Variants in KIAA1328 observed in about 807,000 individuals in gnomAD.
KIAA1328 encodes KIAA1328.
Under a neutral mutation model 68.1 loss-of-function variants are expected in KIAA1328, and 52 were observed. The observed-to-expected ratio is 0.76, with a 90% confidence interval of 0.61 to 0.96. The LOEUF (loss-of-function observed/expected upper bound fraction) is 0.96, where lower values mean the gene tolerates loss of function less well. Among genes scored for constraint, KIAA1328 ranks in the 40% least tolerant of loss-of-function variants. The probability of loss-of-function intolerance (pLI) is 0.00; values close to 1 mark genes in which losing one functional copy is unlikely to be tolerated. For synonymous variants in KIAA1328, 232 were observed against 239.4 expected (o/e 0.97, Z 0.28); for missense variants, 641 against 677.6 (o/e 0.95, Z 0.60).
intron 7 of KIAA1328, among the ~76,000 whole-genome samples, chr18:37,117,796 A>G (rs1156853173): frequency 1.3e-5 from 2 of 151,996 alleles, no homozygotes; most frequent in African/African-American, 4.8e-5. Flanking sequence ...TAAAATGCTC[A>G]GATATAAAGT....
downstream of KIAA1328, among the ~76,000 whole-genome samples, chr18:37,228,604 A>G (rs576819007): frequency 1.0e-3 from 154 of 152,240 alleles, no homozygotes; most frequent in African/African-American, 3.5e-3. Context: ...GGATCACCTG[A>G]GGTCAGGAGT....
At chr18:37,148,667 T>C (rs1024061195) in intron 7 of KIAA1328, among the ~76,000 whole-genome samples, 1 of 152,226 alleles carries the variant, frequency 6.6e-6, no homozygotes, top group Non-Finnish European at 1.5e-5. Context: ...CCATTCTGAC[T>C]GGCATGAGAT....
chr18:36,902,632 AG>A (rs1213951457), intron 5 of KIAA1328, among the ~76,000 whole-genome samples: 1 of 152,106 alleles, frequency 6.6e-6, no homozygotes, highest in African/African-American at 2.4e-5. Context: ...AGACAAAGTC[AG>A]GTATTATCCA....
chr18:37,122,710 T>G (rs2058301999), intron 7 of KIAA1328, among the ~76,000 whole-genome samples: 1 of 151,970 alleles, frequency 6.6e-6, no homozygotes, highest in South Asian at 2.1e-4. Context: ...ATTCTCAATT[T>G]TCTCTGTGAA....
intron 7 of KIAA1328, among the ~76,000 whole-genome samples, chr18:37,116,983 A>T (rs925180890): frequency 2.0e-5 from 3 of 152,238 alleles, no homozygotes; most frequent in Non-Finnish European, 2.9e-5. Context: ...AACAGTTAGA[A>T]TGGTGATCAT....
At chr18:37,220,451 A>G (rs770402052) in intron 9 of KIAA1328, among the ~76,000 whole-genome samples, 2 of 152,200 alleles carry the variant, frequency 1.3e-5, no homozygotes, top group Non-Finnish European at 2.9e-5. Flanking sequence ...AAATGCAACA[A>G]TCTTTAATTT....
intron 5 of KIAA1328, among the ~76,000 whole-genome samples, chr18:36,949,597 T>TCCGCCC (rs796963668): frequency 1.7e-5 from 1 of 57,360 alleles, no homozygotes; most frequent in African/African-American, 6.6e-5. Flanking sequence ...TCTACCCAGC[T>TCCGCCC]CCCCCCCCCC....
intron 7 of KIAA1328, among the ~76,000 whole-genome samples, chr18:37,140,242 C>A (rs1438124008): frequency 6.6e-6 from 1 of 152,012 alleles, no homozygotes; most frequent in Non-Finnish European, 1.5e-5. Flanking sequence ...AGAAGGCATC[C>A]TATCAAGTAA....
intron 6 of KIAA1328, among the ~76,000 whole-genome samples, chr18:37,034,759 G>A (rs988211988): frequency 1.3e-5 from 2 of 152,096 alleles, no homozygotes; most frequent in South Asian, 2.1e-4. Context: ...TTGTATTCTT[G>A]TCATAAATAC....
chr18:37,048,785 CTG>C (rs1361478408), intron 6 of KIAA1328, among the ~76,000 whole-genome samples: 1 of 152,070 alleles, frequency 6.6e-6, no homozygotes, highest in Non-Finnish European at 1.5e-5. Context: ...AAATTATAAA[CTG>C]TGAGTGGCTG....
At chr18:36,838,666 T>C (rs912270290) in intron 3 of KIAA1328, among the ~76,000 whole-genome samples, 11 of 152,206 alleles carry the variant, frequency 7.2e-5, no homozygotes, top group Non-Finnish European at 1.3e-4. Context: ...GTGTATGTGT[T>C]TAAATATGGC....
intron 6 of KIAA1328, among the ~76,000 whole-genome samples, chr18:37,049,465 C>T (rs1415304601): frequency 6.6e-6 from 1 of 152,080 alleles, no homozygotes; most frequent in African/African-American, 2.4e-5. Context: ...GTAAACCAAA[C>T]TAGCTAATAA....
At position 37,173,025 on chromosome 18, in the gene KIAA1328, A is replaced by T; in HGVS notation, c.1467A>T (p.Gly489=). Residue 489 remains glycine (G), a synonymous_variant, in exon 9 of 10, where the codon GGA becomes GGT. Transcript: ENST00000280020. ...KDASTSPMPT[G]SLKDFVTTAS... ...CGTCTACATCTCCTATGCCAACAGG[A>T]AGCCTAAAGGATTTTGTCACCACAG... The T allele has an allele frequency of 6.2e-7, 1 of 1,613,792 alleles. No individual in the cohort carries two copies. The highest frequency in any genetic ancestry group is 8.5e-7 in the Non-Finnish European group (1 of 1,179,746).
chr18:36,887,160 T>A (rs1239698247), intron 5 of KIAA1328, among the ~76,000 whole-genome samples: 1 of 151,894 alleles, frequency 6.6e-6, no homozygotes, highest in Admixed American at 6.6e-5. Context: ...CCTTGGTTGT[T>A]GACCCTCAAG....
chr18:37,176,505 T>C (rs908941217), intron 9 of KIAA1328, among the ~76,000 whole-genome samples: 1 of 152,214 alleles, frequency 6.6e-6, no homozygotes, highest in African/African-American at 2.4e-5. Flanking sequence ...CTCTCCACAC[T>C]GATCACACAC....
intron 6 of KIAA1328, among the ~76,000 whole-genome samples, chr18:37,039,768 A>T (rs962668998): frequency 2.0e-5 from 3 of 152,114 alleles, no homozygotes; most frequent in African/African-American, 7.2e-5. Flanking sequence ...TCATTATATT[A>T]TCTATTAATT....
chr18:36,883,333 A>G (rs1168874675), intron 4 of KIAA1328, among the ~76,000 whole-genome samples: 1 of 152,226 alleles, frequency 6.6e-6, no homozygotes, highest in African/African-American at 2.4e-5. Context: ...CAGTCAGTCA[A>G]AACACAGGCA....
At chr18:37,189,353 C>G (rs543393353) in intron 9 of KIAA1328, among the ~76,000 whole-genome samples, 22 of 152,178 alleles carry the variant, frequency 1.4e-4, no homozygotes, top group Middle Eastern at 3.4e-3. Context: ...GAAAAAAAGT[C>G]AGACCTTATT....
At chr18:37,086,467 A>T (rs2057107316) in intron 7 of KIAA1328, among the ~76,000 whole-genome samples, 1 of 152,108 alleles carries the variant, frequency 6.6e-6, no homozygotes. Flanking sequence ...TTTCATCTGA[A>T]ATTTCCTTAC....
Sources: allele counts gnomAD v4.1 joint callset (sites outside exome capture counted in the v4.1 genomes callset), GRCh38; gene constraint gnomAD v4.1.1; transcripts MANE v1.5; gene names NCBI Gene and HGNC (gene_info 2026-07-23, HGNC 2026-07-21).